SGCD: variants seen among roughly 807,000 people sequenced by gnomAD.
SGCD encodes sarcoglycan delta, also known as delta-sarcoglycan.
Under a neutral mutation model 36.6 loss-of-function variants are expected in SGCD, and 18 were observed. That is an observed-to-expected ratio of 0.49 (90% CI 0.34 to 0.73). SGCD has a LOEUF of 0.73. SGCD is among the 30% of genes least tolerant of loss of function. The pLI, the probability that SGCD is intolerant of heterozygous loss-of-function variation, is 0.01. For missense variants in SGCD, 387 were observed against 346.7 expected, an observed-to-expected ratio of 1.12 and a Z score of -0.92; for synonymous variants, 133 against 130.6, an observed-to-expected ratio of 1.02 and a Z score of -0.12.
intron 1 of SGCD, among the ~76,000 whole-genome samples, chr5:156,043,181 G>A (rs1759680443): frequency 6.6e-6 from 1 of 152,152 alleles, no homozygotes; most frequent in Non-Finnish European, 1.5e-5. Context: ...CAGATCAGAA[G>A]TTCTGGAAGA....
chr5:156,714,475 A>G (rs1295776721), intron 7 of SGCD, among the ~76,000 whole-genome samples: 1 of 152,234 alleles, frequency 6.6e-6, no homozygotes, highest in Non-Finnish European at 1.5e-5. Context: ...ATCAATATTA[A>G]TAAATCAATA....
intron 1 of SGCD, among the ~76,000 whole-genome samples, chr5:156,076,639 AT>A (rs1163661903): frequency 1.3e-5 from 2 of 152,176 alleles, no homozygotes; most frequent in African/African-American, 2.4e-5. Context: ...CAGTTACTAT[AT>A]CAGTAGCAGA....
intron 3 of SGCD, among the ~76,000 whole-genome samples, chr5:156,192,243 C>T (rs1451704117): frequency 2.6e-5 from 4 of 152,092 alleles, no homozygotes; most frequent in East Asian, 1.9e-4. Flanking sequence ...GACATTTTAG[C>T]GTGCTTAATT....
intron 3 of SGCD, among the ~76,000 whole-genome samples, chr5:156,474,069 G>C (rs1339764256): frequency 6.6e-6 from 1 of 151,794 alleles, no homozygotes; most frequent in Admixed American, 6.6e-5. Context: ...AGTGGGGGAG[G>C]GAGAGCACTT....
At chr5:156,680,465 AATGGGG>A (rs1262069906) in intron 7 of SGCD, among the ~76,000 whole-genome samples, 10 of 152,074 alleles carry the variant, frequency 6.6e-5, no homozygotes, top group Admixed American at 5.9e-4. Context: ...CCATTTGCAA[AATGGGG>A]ATGCTAATAT....
rs932614607 is a variant in SGCD, at chr5:156,140,387, T to C, written c.-44+16368T>C. On this transcript the variant is annotated intron_variant, in intron 3 of 9. Coordinates refer to the SGCD transcript ENST00000517913. ...GTCTTAAAGATGATCTAAGTAGTCA[T>C]GAACAGAAGGTTGGTAGAAATGTGG... Among the ~76,000 whole-genome samples, 9 of 152,196 alleles carry C rather than the reference T, an allele frequency of 5.9e-5. No individual in the cohort carries two copies. In the South Asian group the frequency reaches 6.2e-4, roughly 11 times the overall value.
intron 1 of SGCD, among the ~76,000 whole-genome samples, chr5:155,967,834 G>T (rs1757932936): frequency 1.3e-5 from 2 of 152,024 alleles, no homozygotes; most frequent in South Asian, 4.1e-4. Flanking sequence ...GGAACCAGAA[G>T]CCACAGAGAC....
chr5:156,498,955 T>TGTGA (rs1393042527), intron 3 of SGCD, among the ~76,000 whole-genome samples: 34 of 152,038 alleles, frequency 2.2e-4, no homozygotes, highest in Admixed American at 2.2e-3. Flanking sequence ...TGTGTGTGTG[T>TGTGA]GTGTGTGTAT....
chr5:156,164,639 A>G (rs1330397668), intron 3 of SGCD, among the ~76,000 whole-genome samples: 1 of 152,210 alleles, frequency 6.6e-6, no homozygotes, highest in Non-Finnish European at 1.5e-5. Context: ...TGGATCTTGG[A>G]TTTTATTTCG....
intron 1 of SGCD, among the ~76,000 whole-genome samples, chr5:155,923,025 A>G (rs1384993134): frequency 6.6e-6 from 1 of 152,206 alleles, no homozygotes. Context: ...GAGACAGAAC[A>G]CAGTACGAGC....
intron 3 of SGCD, among the ~76,000 whole-genome samples, chr5:156,206,994 G>T (rs1031197968): frequency 1.3e-5 from 2 of 151,970 alleles, no homozygotes; most frequent in South Asian, 4.1e-4. Context: ...ATATCAAAAA[G>T]ATATTAATAA....
At chr5:156,608,429 T>C (rs920258386) in intron 6 of SGCD, among the ~76,000 whole-genome samples, 4 of 152,198 alleles carry the variant, frequency 2.6e-5, no homozygotes, top group Non-Finnish European at 4.4e-5. Context: ...TAATTTCTGT[T>C]CTTTTACATT....
intron 4 of SGCD, among the ~76,000 whole-genome samples, chr5:156,530,626 C>T (rs11953895): frequency 2.0e-5 from 3 of 149,646 alleles, no homozygotes; most frequent in Non-Finnish European, 4.4e-5. Flanking sequence ...GTTGCCCAGG[C>T]TGGAATGCAG....
At chr5:156,240,323 G>A (rs1004982998) in intron 3 of SGCD, among the ~76,000 whole-genome samples, 2 of 152,158 alleles carry the variant, frequency 1.3e-5, no homozygotes, top group African/African-American at 2.4e-5. Flanking sequence ...AATAGAATAA[G>A]CTGTTTTCTG....
At chr5:155,741,299 C>T in the SGCD span, among the ~76,000 whole-genome samples, 1 of 152,112 alleles carries the variant, frequency 6.6e-6, no homozygotes, top group South Asian at 2.1e-4. Context: ...AAAGGTGCCA[C>T]AGTCTTAGTT....
intron 3 of SGCD, among the ~76,000 whole-genome samples, chr5:156,453,763 T>C (rs1754129772): frequency 6.6e-6 from 1 of 152,128 alleles, no homozygotes; most frequent in African/African-American, 2.4e-5. Flanking sequence ...ACAAAAACTC[T>C]GGTACATCCA....
intron 1 of SGCD, among the ~76,000 whole-genome samples, chr5:156,077,411 C>A (rs1484360127): frequency 6.6e-6 from 1 of 152,112 alleles, no homozygotes; most frequent in African/African-American, 2.4e-5. Flanking sequence ...CAAAAATATT[C>A]CTGCTGTTAG....
At chr5:156,133,904 G>T (rs113498078) in intron 3 of SGCD, among the ~76,000 whole-genome samples, 4 of 138,826 alleles carry the variant, frequency 2.9e-5, no homozygotes, top group African/African-American at 1.1e-4. Context: ...GGTCTTATTT[G>T]CCGGGTTAAA....
the SGCD span, among the ~76,000 whole-genome samples, chr5:155,813,155 C>T: frequency 5.3e-5 from 8 of 150,978 alleles, no homozygotes; most frequent in East Asian, 1.9e-4. Context: ...GGAGGGGATG[C>T]GAGAGGAGGT....
Sources: gnomAD v4.1 joint callset for allele counts (sites outside exome capture counted in the v4.1 genomes callset) on GRCh38, gnomAD v4.1.1 for gene constraint, MANE v1.5 for transcripts, NCBI Gene and HGNC (gene_info 2026-07-23, HGNC 2026-07-21) for gene names.